LVRN: variants seen among roughly 807,000 people sequenced by gnomAD.
LVRN encodes the protein laeverin.
In LVRN, 99 loss-of-function variants were observed where a neutral mutation model predicts 111.4. That is an observed-to-expected ratio of 0.89 (90% CI 0.76 to 1.05). The LOEUF (loss-of-function observed/expected upper bound fraction) is 1.05, where lower values mean the gene tolerates loss of function less well. Among genes scored for constraint, LVRN ranks in the 50% least tolerant of loss-of-function variants. The pLI, the probability that LVRN is intolerant of heterozygous loss-of-function variation, is 0.00. For missense variants in LVRN, 1,414 were observed against 1,206.8 expected (o/e 1.17, Z -2.54); for synonymous variants, 488 against 449.5 (o/e 1.09, Z -1.08).
intron 1 of LVRN, among the ~76,000 whole-genome samples, chr5:115,963,700 A>G (rs1384354446): frequency 1.3e-5 from 2 of 152,124 alleles, no homozygotes; most frequent in Non-Finnish European, 2.9e-5. Flanking sequence ...ACACACCGCG[A>G]CGTTTTCTTT....
chr5:116,025,943 G>T, intron 19 of LVRN, 35 bp from the exon 20 acceptor site: 4 of 1,610,854 alleles, frequency 2.5e-6, no homozygotes, highest in South Asian at 1.1e-5. Flanking sequence ...TGGGAAGTTG[G>T]ATTGCACTGA....
intron 13 of LVRN, among the ~76,000 whole-genome samples, chr5:116,009,342 CA>C (rs1448082394): frequency 6.6e-6 from 1 of 152,154 alleles, no homozygotes; most frequent in Non-Finnish European, 1.5e-5. Context: ...TGGAGATGTA[CA>C]AGGAGATTAA....
rs111462510 is a variant in LVRN at position 116,014,994 on chromosome 5, A to G, written c.2451-258A>G. Among the ~76,000 whole-genome samples the G allele has an allele frequency of 7.8e-3, 1,187 of 152,228 alleles. 15 individuals are homozygous for G. Among genetic ancestry groups the G allele is most frequent in the African/African-American group, 0.024 (1,007 of 41,536 alleles). ...TTAGGAAACATGATAATCAGATACA[A>G]GACCAACTTGTATTATCAATATACT... is the stretch of plus-strand genomic sequence containing the variant. On this transcript the variant is annotated intron_variant, in intron 16 of 19. Transcript: ENST00000357872.
At position 116,015,339 on chromosome 5, in the gene LVRN, C is replaced by A. The variant is rs373452282; in HGVS notation, c.2538C>A (p.Tyr846Ter). 3.7e-6 allele frequency: 6 copies of A among 1,612,240 alleles called. No homozygotes were observed. The highest frequency in any genetic ancestry group is 2.2e-5 in the East Asian group (1 of 44,784). The change falls in exon 17 of 20, where the codon TAC (tyrosine) becomes TAA (stop). Residue 846 changes from tyrosine (Y) to a stop codon, truncating the protein, a stop_gained. Coordinates refer to ENST00000357872, the MANE Select transcript of LVRN (RefSeq NM_173800.5). LOFTEE classifies it high-confidence loss of function. The stretch of plus-strand genomic sequence containing the variant: ...AGTGGGACATCTTGTTAAATACTTA[C>A]ACTAATACAACAAACAAAGAAGAAA... The part of the protein sequence containing the change: ...DKEWDILLNT[Y>*]TNTTNKEEKI...
chr5:116,022,171 A>T, intron 18 of LVRN: 1 of 389,832 alleles, frequency 2.6e-6, no homozygotes, highest in Non-Finnish European at 4.6e-6. Context: ...TTAGATTTAG[A>T]TAATAGATTT....
Position 116,003,384 on chromosome 5 carries a change from A to G in LVRN, c.2037+4A>G, listed in dbSNP as rs764054878. On this transcript the variant is annotated splice_donor_region_variant and intron_variant, in intron 12 of 19. Coordinates refer to ENST00000357872, the MANE Select transcript of LVRN (RefSeq NM_173800.5). ...ACAACTTGAAAAGGATCCTAAGGTA[A>G]GGTTACTTTTGATACTTTTAATTAA... The G allele has an allele frequency of 7.0e-7, 1 of 1,419,030 alleles. No homozygotes were observed. Among genetic ancestry groups the G allele is most frequent in the South Asian group, 1.4e-5 (1 of 73,142 alleles). 87.9% of individuals were successfully genotyped at this position (1,419,030 alleles called of 1,614,324 possible). A position where few individuals can be genotyped will look rare whatever the true frequency, so the allele number is the denominator to read the frequency against.
chr5:115,971,729 T>C (rs190101919), intron 1 of LVRN, among the ~76,000 whole-genome samples: 1 of 152,146 alleles, frequency 6.6e-6, no homozygotes, highest in Non-Finnish European at 1.5e-5. Context: ...AGCTTTGTAA[T>C]ACATCTTGAA....
intron 19 of LVRN, among the ~76,000 whole-genome samples, chr5:116,025,361 A>G (rs558215612): frequency 4.5e-4 from 69 of 152,318 alleles, no homozygotes; most frequent in African/African-American, 1.6e-3. Context: ...ACTGATACAA[A>G]AAGAGACTCG....
intron 16 of LVRN, among the ~76,000 whole-genome samples, chr5:116,014,745 G>A (rs1370388096): frequency 1.3e-5 from 2 of 152,078 alleles, no homozygotes; most frequent in Non-Finnish European, 2.9e-5. Flanking sequence ...TGTCACCTAG[G>A]ACCTCTCATT....
intron 1 of LVRN, among the ~76,000 whole-genome samples, chr5:115,982,761 T>C (rs1164236967): frequency 6.6e-6 from 1 of 152,136 alleles, no homozygotes; most frequent in Non-Finnish European, 1.5e-5. Flanking sequence ...TTGAAAGTTG[T>C]TTTGTTCAAT....
intron 3 of LVRN, among the ~76,000 whole-genome samples, chr5:115,986,385 T>A (rs997365272): frequency 6.6e-6 from 1 of 152,226 alleles, no homozygotes; most frequent in East Asian, 1.9e-4. Context: ...CTTGCTGTGG[T>A]CAGTGCTGCT....
intron 1 of LVRN, chr5:115,974,517 A>C (rs1200215985): frequency 6.6e-6 from 1 of 152,290 alleles, no homozygotes; most frequent in Non-Finnish European, 1.5e-5. Context: ...GATCTTAATA[A>C]AACTTCTTGG....
At chr5:115,998,158 C>A (rs1254849602) in intron 6 of LVRN, among the ~76,000 whole-genome samples, 3 of 152,056 alleles carry the variant, frequency 2.0e-5, no homozygotes, top group Admixed American at 1.3e-4. Context: ...GGCCATTGAC[C>A]TGATGGGTTA....
At chr5:116,022,510 C>A in intron 19 of LVRN, 44 bp downstream of exon 19, 1 of 1,350,522 alleles carries the variant, frequency 7.4e-7, no homozygotes, top group Non-Finnish European at 1.0e-6. Flanking sequence ...AATTTGGAAA[C>A]CACTTTTTAT....
intron 6 of LVRN, among the ~76,000 whole-genome samples, chr5:115,997,261 G>A (rs190111826): frequency 1.3e-5 from 2 of 152,250 alleles, no homozygotes; most frequent in Non-Finnish European, 1.5e-5. Context: ...CTAAAGGGCC[G>A]AGGAAGGATT....
At chr5:115,997,937 G>A (rs1048874165) in intron 6 of LVRN, among the ~76,000 whole-genome samples, 2 of 152,134 alleles carry the variant, frequency 1.3e-5, no homozygotes, top group Admixed American at 6.5e-5. Context: ...ACCTTGTATG[G>A]TTATAGTGAT....
intron 2 of LVRN, 139 bp from the exon 3 acceptor site, chr5:115,984,431 A>G: frequency 1.0e-6 from 1 of 997,202 alleles, no homozygotes; most frequent in Non-Finnish European, 1.5e-6. Context: ...GCTTAGGAGT[A>G]GGTGGAGAAA....
rs758161516 is a variant in LVRN at position 115,963,122 on chromosome 5, G to T, written c.505G>T (p.Ala169Ser). The T allele has an allele frequency of 4.3e-6, 7 of 1,613,490 alleles. No homozygotes were observed. The highest frequency in any genetic ancestry group is 3.3e-4 in the Middle Eastern group (2 of 6,062). ...RGPLSPGTGN[A>S]TVGRVPVDDV... is the part of the protein sequence containing the mutation. The stretch of plus-strand genomic sequence containing the variant: ...ACCCCTTTCCCCGGGCACTGGGAAC[G>T]CCACAGTGGGCCGCGTGCCCGTGGA... The change falls in exon 1 of 20, where the codon GCC (alanine) becomes TCC (serine). Residue 169 changes from alanine to serine, a missense_variant. Transcript: ENST00000357872.
chr5:116,003,192 G>A (rs1048779251), intron 11 of LVRN, 49 bp from the exon 12 acceptor site: 7 of 1,479,880 alleles, frequency 4.7e-6, no homozygotes, highest in Non-Finnish European at 6.4e-6. Context: ...TAGGTATTAA[G>A]ATCTTTTTTA....
Sources: gnomAD v4.1 joint callset for allele counts (sites outside exome capture counted in the v4.1 genomes callset) on GRCh38, gnomAD v4.1.1 for gene constraint, MANE v1.5 for transcripts, NCBI Gene and HGNC (gene_info 2026-07-23, HGNC 2026-07-21) for gene names.